Variants in RAP2B observed in about 807,000 individuals in gnomAD.
The protein encoded by RAP2B is ras-related protein Rap-2b.
Under a neutral mutation model 14.4 loss-of-function variants are expected in RAP2B, and 6 were observed. The observed-to-expected ratio is 0.42, with a 90% CI of 0.23 to 0.82. RAP2B has a LOEUF of 0.82. Ranked by LOEUF, RAP2B falls within the 40% of genes least tolerant of loss-of-function variation. The pLI is 0.30. For missense variants in RAP2B, 137 were observed against 248.2 expected (o/e 0.55, Z 3.01); for synonymous variants, 118 against 113.2 (o/e 1.04, Z -0.27).
In RAP2B at chr3:153,168,355, TATC is replaced by T. The variant is rs1252419432; in HGVS notation, c.*5113_*5115del. 6.0e-6 allele frequency: 1 copy of T among 167,068 alleles called. No individual in the cohort carries two copies. The highest frequency in any genetic ancestry group is 1.9e-4 in the East Asian group (1 of 5,208). 10.3% of individuals were successfully genotyped at this position (167,068 alleles called of 1,614,324 possible). A position where few individuals can be genotyped will look rare whatever the true frequency, so the allele number is the denominator to read the frequency against. On this transcript the variant is annotated 3_prime_UTR_variant, in exon 1 of 1. Coordinates refer to ENST00000323534, the MANE Select transcript of RAP2B (RefSeq NM_002886.4). ...ACTATTTAGATGCTGAGAATAATAT[TATC>T]ATGCTTGGGTGGGGAAGAAAGGCCC... is the stretch of plus-strand genomic sequence containing the variant.
chr3:153,163,488 C>T lies in RAP2B; in HGVS notation c.*243C>T. 1 of 542,524 alleles carries T rather than the reference C, an allele frequency of 1.8e-6. No individual in the cohort carries two copies. The highest frequency in any genetic ancestry group is 3.2e-6 in the Non-Finnish European group (1 of 307,882). 33.6% of individuals were successfully genotyped at this position (542,524 alleles called of 1,614,324 possible). On this transcript the variant is annotated 3_prime_UTR_variant, in exon 1 of 1. Transcript: ENST00000323534. Reference sequence around the variant, plus strand: ...GCTCTTTGCAGCATGTACGTTTCTCCCTGATTTTGGTTGATGCATATTTCC... The same window carrying T: ...GCTCTTTGCAGCATGTACGTTTCTCTCTGATTTTGGTTGATGCATATTTCC...
rs561198790 is a variant in RAP2B, at chr3:153,164,063, A to ATT, written c.*829_*830dup. The ATT allele has an allele frequency of 1.9e-5, 3 of 154,900 alleles. No homozygotes were observed. The highest frequency in any genetic ancestry group is 2.6e-5 in the African/African-American group (1 of 38,992). The allele number at this position is 154,900 out of a possible 1,614,324, so 9.6% of individuals were successfully genotyped here. ...GGGGAGTCTGGGGGAGAATGGTAGT[A>ATT]TTTTTTTTTTTTATCAGCTGTGAAA... On this transcript the variant is annotated 3_prime_UTR_variant, in exon 1 of 1. Coordinates refer to ENST00000323534, the MANE Select transcript of RAP2B (RefSeq NM_002886.4).
Position 153,162,911 on chromosome 3 carries a change from A to G in RAP2B, c.218A>G (p.Lys73Arg). 6.2e-7 allele frequency: 1 copy of G among 1,614,092 alleles called. No individual in the cohort carries two copies. Among genetic ancestry groups the G allele is most frequent in the Non-Finnish European group, 8.5e-7 (1 of 1,180,016 alleles). Residue 73 changes from lysine (K) to arginine (R), a missense_variant, in exon 1 of 1, where the codon AAG becomes AGG. This residue lies in a region of RAP2B where 31 missense variants were observed against 104.7 expected (regional missense o/e 0.30). Coordinates refer to ENST00000323534, the MANE Select transcript of RAP2B (RefSeq NM_002886.4). This position sits in a 1 kb window ranked among gnomAD's most constrained non-coding sequence, Gnocchi z 4.9. ...GCGTCCATGCGGGACCTGTACATCA[A>G]GAACGGCCAGGGCTTCATCCTGGTC... ...QFASMRDLYI[K>R]NGQGFILVYS...
Position 153,163,760 on chromosome 3 carries a change from G to C in RAP2B, c.*515G>C, listed in dbSNP as rs1713490385. 6.2e-6 allele frequency: 1 copy of C among 161,576 alleles called. No individual in the cohort carries two copies. Among genetic ancestry groups the C allele is most frequent in the Non-Finnish European group, 1.5e-5 (1 of 67,650 alleles). 10.0% of individuals were successfully genotyped at this position (161,576 alleles called of 1,614,324 possible). ...TCCGGGAGAACCATATGAAGGAGCA[G>C]GAGGAGAGGAAGAAACTTTTTTTCC... On this transcript the variant is annotated 3_prime_UTR_variant, in exon 1 of 1. Transcript: ENST00000323534.
Sources: allele counts gnomAD v4.1 joint callset, GRCh38; gene constraint gnomAD v4.1.1; regional missense constraint gnomAD v4.1.1; non-coding constraint Gnocchi (gnomAD v3.1); transcripts MANE v1.5; gene names NCBI Gene and HGNC (gene_info 2026-07-23, HGNC 2026-07-21).